The following ZC3HC1 variants were observed in gnomAD, a reference collection of about 807,000 sequenced individuals.
The protein encoded by ZC3HC1 is zinc finger C3HC-type protein 1.
In ZC3HC1, 38 loss-of-function variants were observed where a neutral mutation model predicts 61.9. The ratio of observed to expected loss-of-function variants is 0.61; its 90% CI spans 0.47 to 0.81. The LOEUF is 0.81. Ranked by LOEUF, ZC3HC1 falls within the 30% of genes least tolerant of loss-of-function variation. ZC3HC1 has a pLI of 0.00. For missense variants in ZC3HC1, 554 were observed against 622.7 expected, an observed-to-expected ratio of 0.89 and a Z score of 1.17; for synonymous variants, 213 against 229.9, an observed-to-expected ratio of 0.93 and a Z score of 0.67.
chr7:130,041,162 G>GTT (rs1794653495), intron 2 of ZC3HC1, 61 bp from the exon 3 acceptor site: 2 of 1,507,598 alleles, frequency 1.3e-6, no homozygotes, highest in East Asian at 2.3e-5. Context: ...GTATGTGTGT[G>GTT]TGTGTGTGTG....
chr7:130,026,455 T>C (rs1793913949), intron 5 of ZC3HC1, 143 bp from the exon 6 acceptor site: 1 of 816,940 alleles, frequency 1.2e-6, no homozygotes, highest in Non-Finnish European at 1.9e-6. Context: ...GAGAACAAAA[T>C]ACTTCCAGGG....
chr7:130,040,733 G>A (rs1222233159), intron 3 of ZC3HC1, among the ~76,000 whole-genome samples: 1 of 151,184 alleles, frequency 6.6e-6, no homozygotes, highest in African/African-American at 2.4e-5. Context: ...TTGAGCCCAG[G>A]AGGTTGAGGC....
At chr7:130,051,441 C>A, upstream of ZC3HC1, 1 of 1,595,172 alleles carries the variant, frequency 6.3e-7, no homozygotes, top group Non-Finnish European at 8.5e-7. Context: ...TTAATATCCG[C>A]CTCTTGAGGC....
At position 130,022,482 on chromosome 7, in the gene ZC3HC1, C is replaced by T; in HGVS notation, c.1277G>A (p.Arg426Lys). Residue 426 changes from arginine to lysine, a missense_variant, in exon 9 of 10, where the codon AGA (arginine) becomes AAA (lysine). Physicochemically the swap from Arg to Lys is conservative, Grantham distance 26. Transcript: ENST00000358303. The stretch of plus-strand genomic sequence containing the variant: ...GATATTCACCCAAGGGCACCAGTCT[C>T]TATGCTGAGAGGTGGGATCAAAGAA... ...RSFFDPTSQHRDWCPWVNITL... is the reference protein window; with the variant it reads ...RSFFDPTSQHKDWCPWVNITL... 6.2e-7 allele frequency: 1 copy of T among 1,613,192 alleles called. No individual in the cohort carries two copies. The highest frequency in any genetic ancestry group is 8.5e-7 in the Non-Finnish European group (1 of 1,179,608).
upstream of ZC3HC1, chr7:130,051,397 A>C: frequency 6.2e-7 from 1 of 1,611,968 alleles, no homozygotes; most frequent in African/African-American, 1.3e-5. Context: ...CTTCCCCGAG[A>C]GTTTGAAGGC....
intron 6 of ZC3HC1, among the ~76,000 whole-genome samples, chr7:130,024,738 G>A (rs910367242): frequency 2.0e-5 from 3 of 151,730 alleles, no homozygotes; most frequent in Admixed American, 6.6e-5. Flanking sequence ...AGACTGTTTT[G>A]CAGGCATGTT....
chr7:130,022,183 A>G, intron 9 of ZC3HC1, 136 bp downstream of exon 9: 2 of 1,181,456 alleles, frequency 1.7e-6, no homozygotes, highest in Middle Eastern at 2.7e-4. Flanking sequence ...AAAAACAAAC[A>G]AACAAACAAA....
chr7:130,037,298 G>T (rs1289082682), intron 4 of ZC3HC1, among the ~76,000 whole-genome samples: 3 of 152,128 alleles, frequency 2.0e-5, no homozygotes, highest in African/African-American at 7.2e-5. Flanking sequence ...ACAAAAATTA[G>T]CTGGGTGTGG....
At chr7:130,041,504 A>G (rs939217023) in intron 2 of ZC3HC1, among the ~76,000 whole-genome samples, 2 of 149,440 alleles carry the variant, frequency 1.3e-5, no homozygotes, top group African/African-American at 2.5e-5. Flanking sequence ...ATAAGTCATA[A>G]ATTACAATCT....
Position 130,023,668 on chromosome 7 carries a change from C to T in ZC3HC1, c.1076G>A (p.Ser359Asn). 6.2e-7 allele frequency: 1 copy of T among 1,614,162 alleles called. No homozygotes were observed. Among genetic ancestry groups the T allele is most frequent in the Non-Finnish European group, 8.5e-7 (1 of 1,180,026 alleles). The change falls in exon 8 of 10, where the codon AGT becomes AAT. Residue 359 changes from serine (S) to asparagine (N), a missense_variant. Coordinates refer to ENST00000358303, the MANE Select transcript of ZC3HC1 (RefSeq NM_016478.5). This position sits in a 1 kb window ranked among gnomAD's most constrained non-coding sequence, Gnocchi z 4.2. ...VSRTRSWDSSSPVDRPEPEAA... is the reference protein window; with the variant it reads ...VSRTRSWDSSNPVDRPEPEAA... ...CTCTGGCTCAGGACGGTCAACAGGA[C>T]TGGAAGAGTCCCAGCTCCGAGTTCG...
At chr7:130,027,253 A>T (rs1478542754) in intron 5 of ZC3HC1, 1 of 152,116 alleles carries the variant, frequency 6.6e-6, no homozygotes, top group Non-Finnish European at 1.5e-5. Context: ...TTATATTCAT[A>T]AGCATCAGAG....
intron 4 of ZC3HC1, among the ~76,000 whole-genome samples, chr7:130,033,996 T>C (rs1794325126): frequency 6.6e-6 from 1 of 152,168 alleles, no homozygotes; most frequent in African/African-American, 2.4e-5. Flanking sequence ...CTGGAAAAGA[T>C]ATTTTTTTAA....
chr7:130,028,585 C>T (rs187005966), intron 5 of ZC3HC1, among the ~76,000 whole-genome samples: 10 of 152,092 alleles, frequency 6.6e-5, no homozygotes, highest in Non-Finnish European at 5.9e-5. Context: ...CAAGATAAAA[C>T]TGAATTTATG....
At chr7:130,029,146 G>A (rs937975706) in intron 4 of ZC3HC1, 117 bp from the exon 5 acceptor site, 46 of 1,178,168 alleles carry the variant, frequency 3.9e-5, no homozygotes, top group African/African-American at 1.4e-4. Flanking sequence ...CGAGGCGGGC[G>A]GATCACCTGA....
chr7:130,034,256 C>T (rs1358382382), intron 4 of ZC3HC1, among the ~76,000 whole-genome samples: 3 of 148,908 alleles, frequency 2.0e-5, no homozygotes, highest in Non-Finnish European at 4.4e-5. Context: ...GAGGCCGAGG[C>T]GGGCGTATCA....
Position 130,022,394 on chromosome 7 carries a change from C to T in ZC3HC1, c.1365G>A (p.Glu455=). The T allele has an allele frequency of 6.2e-7, 1 of 1,613,482 alleles. No homozygotes were observed. The highest frequency in any genetic ancestry group is 1.1e-5 in the South Asian group (1 of 90,998). Residue 455 remains glutamate (E), a synonymous_variant, in exon 9 of 10, where the codon GAG becomes GAA. Transcript: ENST00000358303. The part of the protein sequence containing the change: ...GTEPDASAPA[E]PGWKAVLTIL... ...TGGTCAGCACTGCTTTCCAGCCTGG[C>T]TCTGCTGGGGCGCTGGCATCTGGTT... is the stretch of plus-strand genomic sequence containing the variant.
At chr7:130,018,792 T>G in intron 9 of ZC3HC1, 60 bp from the exon 10 acceptor site, 1 of 1,448,550 alleles carries the variant, frequency 6.9e-7, no homozygotes, top group African/African-American at 1.4e-5. Flanking sequence ...AAAGGATAGA[T>G]CATTTGTCCC....
rs1200157284 is a variant in ZC3HC1, at chr7:130,023,253, G to A, written c.1233+258C>T. ...AGGTTGGGGACCGCTGCCAGATCAG[G>A]TTTGTCCCTGTATCACACCGTTGTT... On this transcript the variant is annotated intron_variant, in intron 8 of 9. Transcript: ENST00000358303. The surrounding 1 kb of genome is among the most constrained non-coding windows in gnomAD (Gnocchi z 4.2). Among the ~76,000 whole-genome samples the A allele has an allele frequency of 6.6e-6, 1 of 152,124 alleles. No individual in the cohort carries two copies. The highest frequency in any genetic ancestry group is 2.4e-5 in the African/African-American group (1 of 41,410).
intron 4 of ZC3HC1, among the ~76,000 whole-genome samples, chr7:130,029,648 G>A (rs1008641325): frequency 2.0e-5 from 3 of 152,084 alleles, no homozygotes; most frequent in African/African-American, 7.2e-5. Flanking sequence ...AAACAAGATC[G>A]GCCATGAGTT....
Sources: gnomAD v4.1 joint callset for allele counts (sites outside exome capture counted in the v4.1 genomes callset) on GRCh38, gnomAD v4.1.1 for gene constraint, Gnocchi (gnomAD v3.1) non-coding constraint, MANE v1.5 for transcripts, NCBI Gene and HGNC (gene_info 2026-07-23, HGNC 2026-07-21) for gene names.